ANKS1B: variants seen among roughly 807,000 people sequenced by gnomAD.
ANKS1B encodes the protein ankyrin repeat and sterile alpha motif domain-containing protein 1B.
A neutral mutation model predicts 148.3 loss-of-function variants in ANKS1B; 36 were observed. The ratio of observed to expected loss-of-function variants is 0.24; its 90% CI spans 0.19 to 0.32. ANKS1B has a LOEUF of 0.32. Among genes scored for constraint, ANKS1B ranks in the 10% least tolerant of loss-of-function variants. The probability of loss-of-function intolerance (pLI) is 1.00; values close to 1 mark genes in which losing one functional copy is unlikely to be tolerated. For synonymous variants in ANKS1B, 542 were observed against 560.8 expected, an observed-to-expected ratio of 0.97 and a Z score of 0.47; for missense variants, 1,157 against 1,542.6, an observed-to-expected ratio of 0.75 and a Z score of 4.19.
chr12:98,996,752 G>T (rs1212104268), intron 17 of ANKS1B, among the ~76,000 whole-genome samples: 2 of 136,672 alleles, frequency 1.5e-5, no homozygotes, highest in African/African-American at 5.6e-5. Flanking sequence ...GGCGGAGCTT[G>T]CAGTGAGCCA....
At chr12:99,888,964 G>A (rs888464412) in intron 1 of ANKS1B, among the ~76,000 whole-genome samples, 5 of 46,898 alleles carry the variant, frequency 1.1e-4, no homozygotes, top group Admixed American at 4.0e-4. Flanking sequence ...GCTCACCTTC[G>A]CCAAAACACA....
intron 11 of ANKS1B, among the ~76,000 whole-genome samples, chr12:99,417,825 G>A (rs1159639315): frequency 6.6e-6 from 1 of 152,046 alleles, no homozygotes; most frequent in African/African-American, 2.4e-5. Flanking sequence ...AATTCTGAAA[G>A]CAGCAAGAAG....
At chr12:99,480,959 A>T (rs1459111803) in intron 10 of ANKS1B, among the ~76,000 whole-genome samples, 1 of 151,546 alleles carries the variant, frequency 6.6e-6, no homozygotes, top group Admixed American at 6.6e-5. Context: ...TTTGTGTTGG[A>T]TATTTAATTT....
At chr12:98,965,013 C>T (rs1378528068) in intron 17 of ANKS1B, among the ~76,000 whole-genome samples, 1 of 152,062 alleles carries the variant, frequency 6.6e-6, no homozygotes, top group African/African-American at 2.4e-5. Flanking sequence ...GATGCATACC[C>T]ATTTGCCCAT....
chr12:98,821,024 T>C (rs1221110494), intron 19 of ANKS1B, among the ~76,000 whole-genome samples: 3 of 152,202 alleles, frequency 2.0e-5, no homozygotes, highest in African/African-American at 7.2e-5. Context: ...TCATAGTTTG[T>C]AAAACACTTC....
Position 98,801,518 on chromosome 12 carries a change from C to T in ANKS1B, c.3142-393G>A, listed in dbSNP as rs1348663191. ...GTTTGAATTGCTTTCACATTCAGAA[C>T]ACACAGTTCTATAAATTTCAGTTCC... On this transcript the variant is annotated intron_variant, in intron 20 of 26. Transcript: ENST00000683438. The surrounding 1 kb of genome is among the most constrained non-coding windows in gnomAD (Gnocchi z 5.2). Among the ~76,000 whole-genome samples, 3 of 152,178 alleles carry T rather than the reference C, an allele frequency of 2.0e-5. No homozygotes were observed. Among genetic ancestry groups the T allele is most frequent in the African/African-American group, 7.2e-5 (3 of 41,448 alleles).
chr12:99,518,278 C>CA (rs1167685277), intron 9 of ANKS1B, among the ~76,000 whole-genome samples: 1 of 151,936 alleles, frequency 6.6e-6, no homozygotes, highest in African/African-American at 2.4e-5. Context: ...GGAATAGTTT[C>CA]AGTAGGATTA....
At chr12:99,576,771 T>A (rs2097523995) in intron 9 of ANKS1B, among the ~76,000 whole-genome samples, 1 of 152,000 alleles carries the variant, frequency 6.6e-6, no homozygotes, top group South Asian at 2.1e-4. Flanking sequence ...TTTCAAGTTT[T>A]ATTTTAGATT....
rs538387803 is a variant in ANKS1B at position 99,547,311 on chromosome 12, C to T, written c.1273-42670G>A. Among the ~76,000 whole-genome samples, 967 of 150,432 alleles carry T rather than the reference C, an allele frequency of 6.4e-3. 6 individuals carry two copies. The highest frequency in any genetic ancestry group is 0.02 in the Middle Eastern group (6 of 294). On this transcript the variant is annotated intron_variant, in intron 9 of 26. Transcript: ENST00000683438. ...AAATGCCTGGTATTGTTCAGATATA[C>T]TTTGTTTTTATTTTCTTTTATTTTG...
At chr12:99,945,353 GAA>G (rs11289819) in intron 1 of ANKS1B, among the ~76,000 whole-genome samples, 125 of 130,672 alleles carry the variant, frequency 9.6e-4, no homozygotes, top group Middle Eastern at 3.7e-3. Flanking sequence ...TGTAAAACCA[GAA>G]AAAAAAAAAA....
At chr12:99,264,083 T>A (rs1007575449) in intron 12 of ANKS1B, among the ~76,000 whole-genome samples, 1 of 152,158 alleles carries the variant, frequency 6.6e-6, no homozygotes, top group Non-Finnish European at 1.5e-5. Flanking sequence ...TCTATCTAGA[T>A]TCTTATATGA....
intron 1 of ANKS1B, among the ~76,000 whole-genome samples, chr12:99,850,281 G>GTCTCTCCCTCCC (rs57015094): frequency 8.8e-6 from 1 of 114,206 alleles, no homozygotes; most frequent in Non-Finnish European, 1.8e-5. Context: ...AAGCAAGAAA[G>GTCTCTCCCTCCC]TCTCTCTCTC....
intron 10 of ANKS1B, among the ~76,000 whole-genome samples, chr12:99,453,778 C>G (rs755043570): frequency 6.6e-6 from 1 of 152,176 alleles, no homozygotes; most frequent in South Asian, 2.1e-4. Context: ...TACAATGGTG[C>G]TTAGACTTTC....
At chr12:99,593,963 T>C (rs1253044180) in intron 9 of ANKS1B, among the ~76,000 whole-genome samples, 1 of 152,048 alleles carries the variant, frequency 6.6e-6, no homozygotes, top group Non-Finnish European at 1.5e-5. Context: ...TGTTTTTTTT[T>C]AATCTCCGTC....
intron 25 of ANKS1B, among the ~76,000 whole-genome samples, chr12:98,766,718 C>T (rs1292763232): frequency 6.6e-6 from 1 of 152,188 alleles, no homozygotes; most frequent in Non-Finnish European, 1.5e-5. Flanking sequence ...GTGGGACAAT[C>T]TCTGCAACAT....
intron 1 of ANKS1B, among the ~76,000 whole-genome samples, chr12:99,839,870 A>G (rs187230461): frequency 6.6e-6 from 1 of 152,124 alleles, no homozygotes; most frequent in African/African-American, 2.4e-5. Context: ...GTTCTTTATT[A>G]CTATTCCACA....
intron 1 of ANKS1B, among the ~76,000 whole-genome samples, chr12:99,850,717 C>CT (rs2087676239): frequency 2.0e-5 from 3 of 151,922 alleles, no homozygotes; most frequent in Admixed American, 2.0e-4. Context: ...CTTGATTGCT[C>CT]TTTTTTAGTG....
At chr12:98,853,694 T>C (rs1474604530) in intron 17 of ANKS1B, among the ~76,000 whole-genome samples, 1 of 152,220 alleles carries the variant, frequency 6.6e-6, no homozygotes, top group Non-Finnish European at 1.5e-5. Flanking sequence ...TCATTTTTCA[T>C]GTGGTTCCTT....
chr12:99,505,655 T>A (rs1416029244), intron 9 of ANKS1B, among the ~76,000 whole-genome samples: 6 of 148,716 alleles, frequency 4.0e-5, no homozygotes, highest in African/African-American at 7.3e-5. Context: ...TATATATATA[T>A]AATGTGCTAA....
Sources: gnomAD v4.1 joint callset for allele counts (sites outside exome capture counted in the v4.1 genomes callset) on GRCh38, gnomAD v4.1.1 for gene constraint, Gnocchi (gnomAD v3.1) non-coding constraint, MANE v1.5 for transcripts, NCBI Gene and HGNC (gene_info 2026-07-23, HGNC 2026-07-21) for gene names.